ATF2: variants seen among roughly 807,000 people sequenced by gnomAD.
ATF2 encodes cyclic AMP-dependent transcription factor ATF-2.
ATF2 carries 24 observed loss-of-function variants against 60.6 expected under a neutral mutation model. The observed-to-expected ratio is 0.40, with a 90% confidence interval of 0.29 to 0.56. The LOEUF (loss-of-function observed/expected upper bound fraction) is 0.56. ATF2 is among the 20% of genes least tolerant of loss of function. ATF2 has a pLI of 0.54. For missense variants in ATF2, 433 were observed against 607.7 expected (o/e 0.71, Z 3.02); for synonymous variants, 206 against 215.4 (o/e 0.96, Z 0.38).
chr2:175,143,616 A>G (rs1012966730), intron 2 of ATF2, among the ~76,000 whole-genome samples: 17 of 152,228 alleles, frequency 1.1e-4, no homozygotes, highest in Non-Finnish European at 2.2e-4. Context: ...TTACCAGCAG[A>G]GAAAGACCTC....
chr2:175,086,354 G>A (rs1694166117), intron 12 of ATF2, among the ~76,000 whole-genome samples: 1 of 152,168 alleles, frequency 6.6e-6, no homozygotes, highest in Non-Finnish European at 1.5e-5. Flanking sequence ...ATACTGCAAA[G>A]CAAACATAGC....
chr2:175,154,230 A>G (rs553433905), intron 1 of ATF2, among the ~76,000 whole-genome samples: 6 of 145,546 alleles, frequency 4.1e-5, no homozygotes, highest in South Asian at 2.1e-4. Context: ...GAAAAGAAAA[A>G]AAAAATATAT....
chr2:175,118,223 CTT>C lies in ATF2; in HGVS notation c.318+26_318+27del, dbSNP rs768411012. On this transcript the variant is annotated intron_variant, in intron 6 of 13. Coordinates refer to ENST00000264110, the MANE Select transcript of ATF2 (RefSeq NM_001880.4). ...TGATTACTTTTCTGTCAGAAGTACT[CTT>C]TTTAAATTTCATGGTTACAACATAC... 13 of 1,592,894 alleles carry C rather than the reference CTT, an allele frequency of 8.2e-6. No homozygotes were observed. The East Asian group carries it at 2.2e-4, about 27-fold the overall frequency.
At chr2:175,157,319 C>T (rs1044032245) in intron 1 of ATF2, among the ~76,000 whole-genome samples, 2 of 152,102 alleles carry the variant, frequency 1.3e-5, no homozygotes, top group Admixed American at 6.6e-5. Flanking sequence ...GGACCTTGGC[C>T]CCCATCCCCA....
chr2:175,097,562 G>A lies in ATF2; in HGVS notation c.860C>T (p.Pro287Leu). The A allele has an allele frequency of 1.2e-6, 2 of 1,614,054 alleles. No individual in the cohort carries two copies. Among genetic ancestry groups the A allele is most frequent in the Non-Finnish European group, 1.7e-6 (2 of 1,179,988 alleles). ...GACAGTATCACCATTGGTAACTGGA[G>A]GATGTTGCTGGGTCAAAGCAGCTTT... is the stretch of plus-strand genomic sequence containing the variant. ...RLKAALTQQH[P>L]PVTNGDTVKG... The change falls in exon 11 of 14, where the codon CCT becomes CTT. Residue 287 changes from proline (P) to leucine (L), a missense_variant. Pro to Leu is a moderately conservative substitution (Grantham distance 98). Transcript: ENST00000264110.
chr2:175,094,015 A>G (rs961096308), intron 11 of ATF2, among the ~76,000 whole-genome samples: 3 of 152,198 alleles, frequency 2.0e-5, no homozygotes, highest in African/African-American at 4.8e-5. Flanking sequence ...TGTCTAGTGT[A>G]TAAGACTATA....
intron 10 of ATF2, among the ~76,000 whole-genome samples, chr2:175,104,352 T>C (rs185032836): frequency 1.3e-5 from 2 of 152,244 alleles, no homozygotes; most frequent in East Asian, 1.9e-4. Context: ...TTGAGAGAGA[T>C]GCAGAACCCC....
intron 9 of ATF2, among the ~76,000 whole-genome samples, chr2:175,113,269 CTTT>C (rs766911911): frequency 6.3e-5 from 9 of 143,016 alleles, no homozygotes; most frequent in Admixed American, 7.1e-5. Context: ...TAAACTATTA[CTTT>C]TTTTTTTTTT....
intron 10 of ATF2, among the ~76,000 whole-genome samples, chr2:175,102,571 C>A (rs185770529): frequency 2.5e-4 from 38 of 152,176 alleles, no homozygotes; most frequent in African/African-American, 9.2e-4. Flanking sequence ...GAGTTCCACA[C>A]CAGCCTGGGC....
At chr2:175,130,664 C>T (rs550885399) in intron 3 of ATF2, among the ~76,000 whole-genome samples, 2 of 152,250 alleles carry the variant, frequency 1.3e-5, no homozygotes, top group African/African-American at 4.8e-5. Context: ...AAAACATCAA[C>T]ATGTCTAAAA....
intron 1 of ATF2, chr2:175,167,566 C>A: frequency 2.1e-6 from 1 of 466,692 alleles, no homozygotes; most frequent in Non-Finnish European, 4.5e-6. Context: ...CACCAATACA[C>A]GGTCCTCAAT....
At chr2:175,126,086 T>A (rs564772875) in intron 4 of ATF2, among the ~76,000 whole-genome samples, 1 of 152,336 alleles carries the variant, frequency 6.6e-6, no homozygotes, top group Non-Finnish European at 1.5e-5. Flanking sequence ...ATTACACTGT[T>A]GTTACTGCCC....
rs985380285 is a variant in ATF2, at chr2:175,075,097, G to A, written c.1292-262C>T. 95 of 1,269,094 alleles carry A rather than the reference G, an allele frequency of 7.5e-5. 1 individual carries two copies. In the South Asian group the frequency reaches 1.5e-3, roughly 20 times the overall value. The allele number at this position is 1,269,094 out of a possible 1,614,324, so 78.6% of individuals were successfully genotyped here. On this transcript the variant is annotated intron_variant, in intron 13 of 13. Transcript: ENST00000264110. ...GCTGAAGAAATATTTGCTAAATAGT[G>A]TTAAAGAAAGAAAATGAGGGAGAGT...
chr2:175,081,982 C>T (rs1255609113), intron 12 of ATF2, among the ~76,000 whole-genome samples: 1 of 152,150 alleles, frequency 6.6e-6, no homozygotes, highest in East Asian at 1.9e-4. Context: ...TGCTTGAACC[C>T]AGGAAGCAGA....
chr2:175,093,655 G>A (rs772242474), intron 11 of ATF2, among the ~76,000 whole-genome samples: 4 of 151,820 alleles, frequency 2.6e-5, no homozygotes, highest in Admixed American at 6.6e-5. Flanking sequence ...TTCTCAAAAC[G>A]TTTAATAACT....
At chr2:175,090,008 T>G (rs1306312447) in intron 12 of ATF2, among the ~76,000 whole-genome samples, 1 of 152,204 alleles carries the variant, frequency 6.6e-6, no homozygotes. Context: ...TAGATGTAAC[T>G]GACCTTTTTT....
intron 10 of ATF2, among the ~76,000 whole-genome samples, chr2:175,108,586 C>G (rs564591854): frequency 3.3e-5 from 5 of 151,712 alleles, no homozygotes; most frequent in Admixed American, 2.0e-4. Flanking sequence ...CCAGCCGACC[C>G]GTCCGGGAGG....
intron 4 of ATF2, among the ~76,000 whole-genome samples, chr2:175,129,201 G>A (rs926501540): frequency 2.0e-5 from 3 of 152,074 alleles, no homozygotes; most frequent in African/African-American, 7.2e-5. Context: ...TGAATTATGT[G>A]GAGTGAAAAA....
chr2:175,081,981 C>A (rs1336420190), intron 12 of ATF2, among the ~76,000 whole-genome samples: 1 of 152,146 alleles, frequency 6.6e-6, no homozygotes, highest in Non-Finnish European at 1.5e-5. Flanking sequence ...CTGCTTGAAC[C>A]CAGGAAGCAG....
Sources: gnomAD v4.1 joint callset for allele counts (sites outside exome capture counted in the v4.1 genomes callset) on GRCh38, gnomAD v4.1.1 for gene constraint, MANE v1.5 for transcripts, NCBI Gene and HGNC (gene_info 2026-07-23, HGNC 2026-07-21) for gene names.